The following MAP4 variants were observed in gnomAD, a reference collection of about 807,000 sequenced individuals.
MAP4 encodes the protein microtubule-associated protein 4.
A neutral mutation model predicts 170.2 loss-of-function variants in MAP4; 76 were observed. The observed-to-expected ratio is 0.45, with a 90% confidence interval of 0.37 to 0.54. MAP4 has a LOEUF of 0.54. Ranked by LOEUF, MAP4 falls within the 20% of genes least tolerant of loss-of-function variation. The pLI, the probability that MAP4 is intolerant of heterozygous loss-of-function variation, is 0.00. For missense variants in MAP4, 2,506 were observed against 2,748.0 expected (o/e 0.91, Z 1.97); for synonymous variants, 909 against 994.5 (o/e 0.91, Z 1.62).
At chr3:48,020,151 G>A (rs2100109855), upstream of MAP4, among the ~76,000 whole-genome samples, 1 of 152,176 alleles carries the variant, frequency 6.6e-6, no homozygotes, top group Admixed American at 6.5e-5. Context: ...CTCCCAAAGT[G>A]TTGGGATTAC....
intron 1 of MAP4, among the ~76,000 whole-genome samples, chr3:48,028,246 C>T (rs917982052): frequency 1.3e-5 from 2 of 151,704 alleles, no homozygotes; most frequent in South Asian, 2.1e-4. Flanking sequence ...GAGCCAAAAT[C>T]GCACCACTGT....
chr3:47,921,025 C>A (rs2100042564), intron 5 of MAP4, among the ~76,000 whole-genome samples: 1 of 152,148 alleles, frequency 6.6e-6, no homozygotes, highest in African/African-American at 2.4e-5. Flanking sequence ...TGGTACACAC[C>A]TGTAATCCCA....
chr3:47,851,366 A>G lies in MAP4; in HGVS notation c.*1568T>C, dbSNP rs1275438901. The G allele has an allele frequency of 6.6e-6, 1 of 152,238 alleles. No individual in the cohort carries two copies. The highest frequency in any genetic ancestry group is 1.5e-5 in the Non-Finnish European group (1 of 68,054). The allele number at this position is 152,238 out of a possible 1,614,324, so 9.4% of individuals were successfully genotyped here. On this transcript the variant is annotated 3_prime_UTR_variant, in exon 21 of 21. Transcript: ENST00000683076. ...CAGGCCCAGGACAGCCTCCCTGCACATGGAGATCAAATCTAAACTTAGGTC... is the reference window on the plus strand; with the variant it reads ...CAGGCCCAGGACAGCCTCCCTGCACGTGGAGATCAAATCTAAACTTAGGTC...
intron 9 of MAP4, among the ~76,000 whole-genome samples, chr3:47,905,458 A>C (rs1184442057): frequency 6.6e-6 from 1 of 151,914 alleles, no homozygotes; most frequent in Admixed American, 6.6e-5. Flanking sequence ...GTTCAGTGGG[A>C]GATCGATTAT....
chr3:47,977,165 G>T (rs1382788832), intron 3 of MAP4, among the ~76,000 whole-genome samples: 1 of 152,122 alleles, frequency 6.6e-6, no homozygotes, highest in African/African-American at 2.4e-5. Flanking sequence ...GTAAATGCAG[G>T]TATTTATGAA....
chr3:47,912,537 T>A, intron 8 of MAP4, 116 bp from the exon 9 acceptor site: 1 of 845,732 alleles, frequency 1.2e-6, no homozygotes, highest in Non-Finnish European at 1.8e-6. Context: ...CTATTTTCAC[T>A]AATACATATA....
chr3:47,909,607 T>G lies in MAP4; in HGVS notation c.4814A>C (p.His1605Pro), dbSNP rs768240914. 21 of 1,613,456 alleles carry G rather than the reference T, an allele frequency of 1.3e-5. No individual in the cohort carries two copies. In the South Asian group the frequency reaches 2.1e-4, roughly 16 times the overall value. Residue 1605 changes from histidine to proline, a missense_variant, in exon 9 of 21, where the codon CAT (histidine) becomes CCT (proline). Transcript: ENST00000683076. ...AGTCTCTTTCTCTTCATTCACTGGA[T>G]GTGCTGGGAAATTACCTCTATCTGC... ...GYADRGNFPA[H>P]PVNEEKETKE...
intron 1 of MAP4, among the ~76,000 whole-genome samples, chr3:48,063,955 T>G (rs1196353803): frequency 3.3e-5 from 5 of 152,180 alleles, no homozygotes; most frequent in Non-Finnish European, 5.9e-5. Context: ...GAGACAATTA[T>G]TACAGTGAAA....
At position 48,024,959 on chromosome 3, in the gene MAP4, C is replaced by CTT. The variant is rs112833339; in HGVS notation, c.-19-26082_-19-26081dup. On this transcript the variant is annotated intron_variant, in intron 1 of 18. Transcript: ENST00000360240. ...AAAGGCAGTGCAATCATTTCTTTTT[C>CTT]TTTTTTTTTTTGAAGCAGGGTCTCA... Among the ~76,000 whole-genome samples, 1,318 of 145,702 alleles carry CTT rather than the reference C, an allele frequency of 9.0e-3. 20 individuals carry two copies. The highest frequency in any genetic ancestry group is 0.031 in the African/African-American group (1,241 of 39,528).
chr3:47,882,839 C>T (rs2096977821), intron 10 of MAP4, among the ~76,000 whole-genome samples: 2 of 152,066 alleles, frequency 1.3e-5, no homozygotes, highest in South Asian at 4.1e-4. Context: ...CAGAGTCTCA[C>T]TCTGTCGTCC....
At chr3:48,008,635 A>G (rs1258440117) in intron 1 of MAP4, among the ~76,000 whole-genome samples, 1 of 152,208 alleles carries the variant, frequency 6.6e-6, no homozygotes, top group Non-Finnish European at 1.5e-5. Flanking sequence ...CAAAGACAAG[A>G]TATTTGTATC....
At chr3:48,031,884 C>CACACACAT (rs1192183815) in intron 1 of MAP4, among the ~76,000 whole-genome samples, 2 of 151,926 alleles carry the variant, frequency 1.3e-5, no homozygotes, top group African/African-American at 4.8e-5. Flanking sequence ...CACACATACA[C>CACACACAT]ACACACATAC....
At chr3:47,983,085 AT>A (rs1330017734) in intron 2 of MAP4, among the ~76,000 whole-genome samples, 1 of 152,038 alleles carries the variant, frequency 6.6e-6, no homozygotes, top group East Asian at 1.9e-4. Flanking sequence ...TTTTATCTTC[AT>A]TAGAGACAGG....
Position 47,851,676 on chromosome 3 carries a change from G to A in MAP4, c.*1258C>T, listed in dbSNP as rs1471226517. On this transcript the variant is annotated 3_prime_UTR_variant, in exon 21 of 21. Transcript: ENST00000683076. ...TTCTCCTCACTGCAGCCATCCCAAG[G>A]CCTAGCTGGGATGCCCTCTGTGGGC... 3 of 152,228 alleles carry A rather than the reference G, an allele frequency of 2.0e-5. No homozygotes were observed. The highest frequency in any genetic ancestry group is 2.9e-5 in the Non-Finnish European group (2 of 68,054). The allele number at this position is 152,228 out of a possible 1,614,324, so 9.4% of individuals were successfully genotyped here.
At chr3:47,948,802 T>A (rs2100061791) in intron 3 of MAP4, among the ~76,000 whole-genome samples, 1 of 152,058 alleles carries the variant, frequency 6.6e-6, no homozygotes, top group African/African-American at 2.4e-5. Context: ...TTTGTATTTT[T>A]AGTAGAGACA....
At chr3:48,083,644 C>G (rs1412831894) in intron 1 of MAP4, among the ~76,000 whole-genome samples, 2 of 151,766 alleles carry the variant, frequency 1.3e-5, no homozygotes, top group Admixed American at 1.3e-4. Flanking sequence ...GGATTACAGG[C>G]ATGAGCCACC....
intron 4 of MAP4, among the ~76,000 whole-genome samples, chr3:47,927,719 C>T (rs1251801130): frequency 6.6e-6 from 1 of 152,160 alleles, no homozygotes; most frequent in Non-Finnish European, 1.5e-5. Flanking sequence ...AGGTGATCCG[C>T]CCACTTTGGC....
At position 47,963,403 on chromosome 3, in the gene MAP4, G is replaced by C. The variant is rs2100072878; in HGVS notation, c.292+14462C>G. On this transcript the variant is annotated intron_variant, in intron 3 of 20. Transcript: ENST00000683076. ...TCAGGCAAACAACTATTTTTATAGAGCTCTCCTTTTACACAGCAGGAATCT... is the reference window on the plus strand; with the variant it reads ...TCAGGCAAACAACTATTTTTATAGACCTCTCCTTTTACACAGCAGGAATCT... Among the ~76,000 whole-genome samples the C allele has an allele frequency of 2.6e-5, 4 of 152,262 alleles. No individual in the cohort carries two copies. In the South Asian group the frequency reaches 8.3e-4, roughly 32 times the overall value.
chr3:47,901,971 G>T (rs1559975787), intron 10 of MAP4, among the ~76,000 whole-genome samples: 1 of 152,032 alleles, frequency 6.6e-6, no homozygotes, highest in Admixed American at 6.6e-5. Context: ...ACTAGCCTGG[G>T]CAACAGAGTG....
Sources: gnomAD v4.1 joint callset for allele counts (sites outside exome capture counted in the v4.1 genomes callset) on GRCh38, gnomAD v4.1.1 for gene constraint, MANE v1.5 for transcripts, NCBI Gene and HGNC (gene_info 2026-07-23, HGNC 2026-07-21) for gene names.